Variants in VPS13B observed in about 807,000 individuals in gnomAD.
VPS13B encodes vacuolar protein sorting 13 homolog B, also known as intermembrane lipid transfer protein VPS13B.
Under a neutral mutation model 426.4 loss-of-function variants are expected in VPS13B, and 285 were observed. The ratio of observed to expected loss-of-function variants is 0.67; its 90% confidence interval spans 0.61 to 0.74. The LOEUF is 0.74. Ranked by LOEUF, VPS13B falls within the 30% of genes least tolerant of loss-of-function variation. VPS13B has a pLI of 0.00. For synonymous variants in VPS13B, 1,676 were observed against 1,676.4 expected, an observed-to-expected ratio of 1.00 and a Z score of 0.01; for missense variants, 4,537 against 4,782.6, an observed-to-expected ratio of 0.95 and a Z score of 1.51.
chr8:99,356,301 A>C (rs992376603), intron 19 of VPS13B, among the ~76,000 whole-genome samples: 1 of 152,172 alleles, frequency 6.6e-6, no homozygotes, highest in African/African-American at 2.4e-5. Context: ...GCACTAAATA[A>C]ATTATTTTAC....
At chr8:99,809,628 G>A in intron 44 of VPS13B, 98 bp downstream of exon 44, 1 of 1,443,752 alleles carries the variant, frequency 6.9e-7, no homozygotes, top group Non-Finnish European at 9.6e-7. Context: ...CAGTGGTTAT[G>A]CCTAGTTATA....
In VPS13B at chr8:99,830,963, C is replaced by T. The variant is rs566270488; in HGVS notation, c.9331-1406C>T. ...TAAACAGTCCCAGTGAGATGAGCCA[C>T]GTACCTCAGTTGGAAACGCAGAAAC... On this transcript the variant is annotated intron_variant, in intron 51 of 61. Coordinates refer to ENST00000357162, the MANE Select transcript of VPS13B (RefSeq NM_152564.5). Among the ~76,000 whole-genome samples the T allele has an allele frequency of 6.6e-5, 10 of 151,888 alleles. No homozygotes were observed. The South Asian group carries it at 1.3e-3, about 19-fold the overall frequency.
At chr8:99,487,445 A>G (rs1049551077) in intron 25 of VPS13B, among the ~76,000 whole-genome samples, 2 of 152,102 alleles carry the variant, frequency 1.3e-5, no homozygotes, top group African/African-American at 4.8e-5. Context: ...AAATTGTGGT[A>G]AAAAAATATA....
At chr8:99,409,746 T>A (rs1815523313) in intron 21 of VPS13B, among the ~76,000 whole-genome samples, 1 of 152,166 alleles carries the variant, frequency 6.6e-6, no homozygotes, top group East Asian at 1.9e-4. Flanking sequence ...ACATCCGGAC[T>A]ACATGCTGGC....
At chr8:99,217,223 G>A (rs1815438382) in intron 17 of VPS13B, among the ~76,000 whole-genome samples, 1 of 152,082 alleles carries the variant, frequency 6.6e-6, no homozygotes, top group Non-Finnish European at 1.5e-5. Context: ...TGATTATCGT[G>A]TGCCTGGCAC....
At chr8:99,511,563 G>A (rs1463927185) in intron 29 of VPS13B, 51 bp downstream of exon 29, 3 of 1,569,388 alleles carry the variant, frequency 1.9e-6, no homozygotes, top group African/African-American at 1.4e-5. Context: ...TTCTTCTAGA[G>A]ACCTTAGTTT....
intron 17 of VPS13B, among the ~76,000 whole-genome samples, chr8:99,213,773 A>G (rs755904998): frequency 1.7e-4 from 26 of 149,974 alleles, no homozygotes; most frequent in Non-Finnish European, 3.2e-4. Flanking sequence ...CTCCTACTTG[A>G]GCTGACTAAG....
chr8:99,571,108 G>T (rs970948971), intron 31 of VPS13B, among the ~76,000 whole-genome samples: 42 of 152,088 alleles, frequency 2.8e-4, no homozygotes, highest in African/African-American at 9.7e-4. Flanking sequence ...AAAAATCCTT[G>T]CCTTATCTCA....
chr8:99,160,343 A>G (rs1416240457), intron 15 of VPS13B, among the ~76,000 whole-genome samples: 2 of 152,220 alleles, frequency 1.3e-5, no homozygotes, highest in Admixed American at 1.3e-4. Flanking sequence ...GAACAAAAGA[A>G]AACTATAAAA....
chr8:99,587,393 G>A (rs571615458), intron 33 of VPS13B, among the ~76,000 whole-genome samples: 109 of 150,216 alleles, frequency 7.3e-4, no homozygotes, highest in Middle Eastern at 3.4e-3. Flanking sequence ...TTGAGGAATC[G>A]CCACACTGTC....
chr8:99,401,418 C>T (rs1034528981), intron 21 of VPS13B, among the ~76,000 whole-genome samples: 1 of 151,996 alleles, frequency 6.6e-6, no homozygotes, highest in East Asian at 1.9e-4. Flanking sequence ...TTGTAATATG[C>T]CACAATTAAC....
intron 35 of VPS13B, chr8:99,696,418 C>T (rs1179101921): frequency 5.8e-6 from 2 of 347,652 alleles, no homozygotes; most frequent in Admixed American, 3.8e-5. Flanking sequence ...GTGGCACATC[C>T]TTGACAGCCA....
intron 19 of VPS13B, among the ~76,000 whole-genome samples, chr8:99,357,309 G>C (rs1405159061): frequency 6.6e-6 from 1 of 151,856 alleles, no homozygotes; most frequent in Non-Finnish European, 1.5e-5. Context: ...ACCATGTCAG[G>C]TATTATTTGT....
intron 26 of VPS13B, among the ~76,000 whole-genome samples, 182 bp downstream of exon 26, chr8:99,502,040 A>G (rs1821275039): frequency 1.3e-5 from 2 of 151,760 alleles, no homozygotes. Context: ...GCTGAAGTGC[A>G]CTGGCGTGAC....
intron 35 of VPS13B, among the ~76,000 whole-genome samples, chr8:99,676,463 G>A (rs1830936551): frequency 6.6e-6 from 1 of 151,996 alleles, no homozygotes; most frequent in South Asian, 2.1e-4. Flanking sequence ...TCTGCCTGAT[G>A]CTAGATTTTA....
At chr8:99,636,077 A>C (rs1203658352) in intron 33 of VPS13B, among the ~76,000 whole-genome samples, 1 of 152,018 alleles carries the variant, frequency 6.6e-6, no homozygotes, top group African/African-American at 2.4e-5. Context: ...GAAGTAAACT[A>C]TCAACTTGAC....
intron 23 of VPS13B, among the ~76,000 whole-genome samples, chr8:99,459,855 CA>C (rs1178764696): frequency 4.6e-5 from 7 of 152,088 alleles, no homozygotes; most frequent in African/African-American, 1.7e-4. Flanking sequence ...TATTATTATG[CA>C]ATATCTGTCT....
chr8:99,496,002 A>G (rs1820861463), intron 25 of VPS13B, among the ~76,000 whole-genome samples: 1 of 152,144 alleles, frequency 6.6e-6, no homozygotes, highest in African/African-American at 2.4e-5. Context: ...GGAATTTATA[A>G]TATTAGTGAT....
chr8:99,354,170 C>G (rs148048518), intron 19 of VPS13B, among the ~76,000 whole-genome samples: 1 of 145,512 alleles, frequency 6.9e-6, no homozygotes, highest in African/African-American at 2.5e-5. Flanking sequence ...ATATTTGATT[C>G]AAGTTGGGAA....
Sources: allele counts gnomAD v4.1 joint callset (sites outside exome capture counted in the v4.1 genomes callset), GRCh38; gene constraint gnomAD v4.1.1; transcripts MANE v1.5; gene names NCBI Gene and HGNC (gene_info 2026-07-23, HGNC 2026-07-21).